The following TSTD2 variants were observed in gnomAD, a reference collection of about 807,000 sequenced individuals.
TSTD2 encodes the protein thiosulfate sulfurtransferase like domain containing 2, also known as thiosulfate sulfurtransferase/rhodanese-like domain-containing protein 2.
In TSTD2, 37 loss-of-function variants were observed where a neutral mutation model predicts 47.9. The observed-to-expected ratio is 0.77, with a 90% CI of 0.59 to 1.02. The LOEUF (loss-of-function observed/expected upper bound fraction) is 1.02. Ranked by LOEUF, TSTD2 falls within the 50% of genes least tolerant of loss-of-function variation. The pLI is 0.00. For missense variants in TSTD2, 586 were observed against 616.0 expected (o/e 0.95, Z 0.52); for synonymous variants, 201 against 215.9 (o/e 0.93, Z 0.61).
chr9:97,604,546 C>G (rs1375939934), intron 9 of TSTD2, 181 bp downstream of exon 9: 6 of 910,434 alleles, frequency 6.6e-6, no homozygotes, highest in African/African-American at 3.4e-5. Flanking sequence ...CCTCCTGACT[C>G]CTGGGCTAGG....
In TSTD2 at chr9:97,610,392, G is replaced by C; in HGVS notation, c.789C>G (p.Ile263Met). The change falls in exon 6 of 10, where the codon ATC (isoleucine) becomes ATG (methionine). Residue 263 changes from isoleucine to methionine, a missense_variant. Transcript: ENST00000341170. ...TTTTGGGGCTGATCCCCATGGGCAC[G>C]ATTTCTTCAAATACACCAACACGCA... Reference protein sequence around the residue: ...PELRVGVFEEIVPMGISPKKI... With the variant: ...PELRVGVFEEMVPMGISPKKI... 6.2e-7 allele frequency: 1 copy of C among 1,600,864 alleles called. No homozygotes were observed. Among genetic ancestry groups the C allele is most frequent in the East Asian group, 2.3e-5 (1 of 43,672 alleles).
At chr9:97,629,616 A>G (rs931858327) in intron 1 of TSTD2, among the ~76,000 whole-genome samples, 1 of 152,222 alleles carries the variant, frequency 6.6e-6, no homozygotes, top group Admixed American at 6.5e-5. Flanking sequence ...TCCCACTGAA[A>G]AAAGTACATC....
chr9:97,627,188 G>T, intron 2 of TSTD2: 1 of 941,334 alleles, frequency 1.1e-6, no homozygotes, highest in Non-Finnish European at 1.4e-6. Context: ...CATCTGTCTA[G>T]GATCCACCCT....
chr9:97,615,466 C>T (rs933911522), intron 4 of TSTD2, among the ~76,000 whole-genome samples: 3 of 152,210 alleles, frequency 2.0e-5, no homozygotes, highest in Non-Finnish European at 4.4e-5. Context: ...CTTTCCAAAG[C>T]CTTCAATGTA....
intron 1 of TSTD2, among the ~76,000 whole-genome samples, chr9:97,628,973 T>C (rs1204951862): frequency 6.6e-6 from 1 of 152,170 alleles, no homozygotes; most frequent in African/African-American, 2.4e-5. Flanking sequence ...TTGTGCCCTG[T>C]CCAAATTCCT....
chr9:97,625,788 A>C lies in TSTD2; in HGVS notation c.375T>G (p.Leu125=), dbSNP rs370362419. The C allele has an allele frequency of 3.1e-6, 5 of 1,614,062 alleles. No homozygotes were observed. The highest frequency in any genetic ancestry group is 4.2e-6 in the Non-Finnish European group (5 of 1,180,012). The change falls in exon 3 of 10, where the codon CTT becomes CTG. Residue 125 remains leucine, a synonymous_variant. Coordinates refer to ENST00000341170, the MANE Select transcript of TSTD2 (RefSeq NM_139246.5). ...AAGGGTTCTTTTCATCTGCAGACGA[A>C]AGACTCTTTGAGGTGCTCAATGTCA... ...LAVTLSTSKS[L]SSADEKNPLK...
intron 3 of TSTD2, among the ~76,000 whole-genome samples, chr9:97,621,316 C>G (rs1421071804): frequency 6.6e-6 from 1 of 152,126 alleles, no homozygotes; most frequent in African/African-American, 2.4e-5. Context: ...TATGTCGCCT[C>G]AAGACCCTGT....
chr9:97,612,744 C>T (rs575844396), intron 4 of TSTD2, among the ~76,000 whole-genome samples: 370 of 152,284 alleles, frequency 2.4e-3, no homozygotes, highest in Non-Finnish European at 3.5e-3. Context: ...TTAGTAGAGA[C>T]GGGGTTTCGC....
At chr9:97,605,032 C>G in intron 8 of TSTD2, 167 bp from the exon 9 acceptor site, 4 of 868,652 alleles carry the variant, frequency 4.6e-6, no homozygotes, top group Non-Finnish European at 5.5e-6. Flanking sequence ...AATTGCTGAC[C>G]AAGGGGTCAA....
In TSTD2 at chr9:97,611,662, C is replaced by A. The variant is rs751553437; in HGVS notation, c.641G>T (p.Gly214Val). The part of the protein sequence containing the change: ...IAAEGINGTV[G>V]GSKLATRLYV... ...AAGTCTGGTAGCCAATTTGCTTCCACCAACTGTCCCATTGATTCCTTCTGC... is the reference window on the plus strand; with the variant it reads ...AAGTCTGGTAGCCAATTTGCTTCCAACAACTGTCCCATTGATTCCTTCTGC... Residue 214 changes from glycine to valine, a missense_variant, in exon 5 of 10, where the codon GGT (glycine) becomes GTT (valine). Transcript: ENST00000341170. The A allele has an allele frequency of 1.4e-5, 23 of 1,611,180 alleles. No homozygotes were observed. The highest frequency in any genetic ancestry group is 2.0e-5 in the Non-Finnish European group (23 of 1,177,582).
chr9:97,622,742 G>A (rs746026528), intron 3 of TSTD2, among the ~76,000 whole-genome samples: 3 of 152,368 alleles, frequency 2.0e-5, no homozygotes, highest in Non-Finnish European at 4.4e-5. Context: ...AGTCAAAGGA[G>A]ATCATTTTGG....
chr9:97,621,131 A>G lies in TSTD2; in HGVS notation c.483-3254T>C, dbSNP rs1318804564. 5.3e-5 allele frequency among the ~76,000 whole-genome samples: 8 copies of G among 152,356 alleles called. No individual in the cohort carries two copies. In the East Asian group the frequency reaches 1.5e-3, roughly 29 times the overall value. ...CATAAGTTGTGAAGATTTCATGGAC[A>G]TTTATTAGTTCCCCAAATTAATACT... On this transcript the variant is annotated intron_variant, in intron 3 of 9. Transcript: ENST00000341170.
intron 3 of TSTD2, among the ~76,000 whole-genome samples, chr9:97,619,086 A>G (rs916965458): frequency 3.3e-5 from 5 of 152,352 alleles, no homozygotes; most frequent in Non-Finnish European, 7.3e-5. Flanking sequence ...ACAACTGCTT[A>G]TACTATCACC....
intron 3 of TSTD2, among the ~76,000 whole-genome samples, chr9:97,623,491 C>T (rs1347939424): frequency 6.6e-6 from 1 of 152,222 alleles, no homozygotes; most frequent in African/African-American, 2.4e-5. Context: ...TGTCTTCCCA[C>T]TTGTTTTTGA....
chr9:97,602,699 C>A lies in TSTD2; in HGVS notation c.1321G>T (p.Val441Phe). 1 of 1,614,168 alleles carries A rather than the reference C, an allele frequency of 6.2e-7. No individual in the cohort carries two copies. Among genetic ancestry groups the A allele is most frequent in the South Asian group, 1.1e-5 (1 of 91,072 alleles). ...LCSTPQCRQL[V>F]LTCPACQGQG... Reference sequence around the variant, plus strand: ...CCTTGACAGGCAGGGCAGGTCAAAACGAGCTGGCGGCACTGGGGAGTAGAG... The same window carrying A: ...CCTTGACAGGCAGGGCAGGTCAAAAAGAGCTGGCGGCACTGGGGAGTAGAG... The change falls in exon 10 of 10, where the codon GTT (valine) becomes TTT (phenylalanine). Residue 441 changes from valine (V) to phenylalanine (F), a missense_variant. Physicochemically the swap from Val to Phe is conservative, Grantham distance 50. Coordinates refer to ENST00000341170, the MANE Select transcript of TSTD2 (RefSeq NM_139246.5).
At chr9:97,631,539 C>T in intron 1 of TSTD2, among the ~76,000 whole-genome samples, 1 of 152,170 alleles carries the variant, frequency 6.6e-6, no homozygotes, top group Non-Finnish European at 1.5e-5. Context: ...AACTATCTTC[C>T]TCCTTTGGGA....
chr9:97,611,553 T>G, intron 5 of TSTD2, 21 bp downstream of exon 5: 1 of 1,577,942 alleles, frequency 6.3e-7, no homozygotes, highest in South Asian at 1.1e-5. Context: ...CTAGATCCAT[T>G]TAATTTTCAT....
intron 3 of TSTD2, among the ~76,000 whole-genome samples, chr9:97,619,317 G>A (rs1826593305): frequency 6.6e-6 from 1 of 152,128 alleles, no homozygotes; most frequent in Admixed American, 6.5e-5. Flanking sequence ...CAGTTGACCC[G>A]TGAGCAACGC....
At chr9:97,630,315 A>G (rs1036375263) in intron 1 of TSTD2, among the ~76,000 whole-genome samples, 1 of 152,090 alleles carries the variant, frequency 6.6e-6, no homozygotes, top group African/African-American at 2.4e-5. Flanking sequence ...TTTCAGTCTC[A>G]GCTTATTTTG....
Sources: allele counts gnomAD v4.1 joint callset (sites outside exome capture counted in the v4.1 genomes callset), GRCh38; gene constraint gnomAD v4.1.1; transcripts MANE v1.5; gene names NCBI Gene and HGNC (gene_info 2026-07-23, HGNC 2026-07-21).